HPSE2: variants seen among roughly 807,000 people sequenced by gnomAD.
The protein encoded by HPSE2 is heparanase 2 (inactive).
A neutral mutation model predicts 60.5 loss-of-function variants in HPSE2; 38 were observed. The ratio of observed to expected loss-of-function variants is 0.63; its 90% CI spans 0.48 to 0.82. The LOEUF (loss-of-function observed/expected upper bound fraction) is 0.82. Among genes scored for constraint, HPSE2 ranks in the 40% least tolerant of loss-of-function variants. The pLI, the probability that HPSE2 is intolerant of heterozygous loss-of-function variation, is 0.00. For synonymous variants in HPSE2, 295 were observed against 293.2 expected, an observed-to-expected ratio of 1.01 and a Z score of -0.06; for missense variants, 713 against 740.4, an observed-to-expected ratio of 0.96 and a Z score of 0.43.
intron 4 of HPSE2, among the ~76,000 whole-genome samples, chr10:98,726,769 G>A (rs1949094671): frequency 6.6e-6 from 1 of 151,902 alleles, no homozygotes; most frequent in South Asian, 2.1e-4. Flanking sequence ...ATGCTTAGGA[G>A]GGACTACAGG....
intron 7 of HPSE2, among the ~76,000 whole-genome samples, chr10:98,627,984 CAG>C (rs1395153922): frequency 2.6e-5 from 4 of 152,204 alleles, no homozygotes; most frequent in African/African-American, 9.6e-5. Context: ...ATTCTCAGCA[CAG>C]GGGTAATTCC....
chr10:98,850,029 G>A (rs1952131418), intron 3 of HPSE2, among the ~76,000 whole-genome samples: 1 of 152,046 alleles, frequency 6.6e-6, no homozygotes, highest in African/African-American at 2.4e-5. Context: ...CAGCTGTGAG[G>A]CACCACGCCC....
At chr10:98,865,341 T>C (rs140540530) in intron 3 of HPSE2, among the ~76,000 whole-genome samples, 5 of 152,082 alleles carry the variant, frequency 3.3e-5, no homozygotes, top group African/African-American at 7.2e-5. Context: ...CTGGCCAAGA[T>C]AAAGTAACAA....
the HPSE2 span, among the ~76,000 whole-genome samples, chr10:99,288,593 G>C: frequency 6.6e-6 from 1 of 151,794 alleles, no homozygotes; most frequent in Non-Finnish European, 1.5e-5. Flanking sequence ...ATGGGATCCA[G>C]GAACCAGGGA....
chr10:98,522,136 T>TA (rs555728622), intron 9 of HPSE2, among the ~76,000 whole-genome samples: 22,360 of 142,786 alleles, frequency 0.16, 1,934 homozygotes, highest in Non-Finnish European at 0.21. Flanking sequence ...AGGATAATTA[T>TA]AAAAAAAAAA....
intron 6 of HPSE2, among the ~76,000 whole-genome samples, chr10:98,687,888 A>T (rs1289727686): frequency 6.6e-6 from 1 of 152,190 alleles, no homozygotes; most frequent in Admixed American, 6.5e-5. Flanking sequence ...CTTCTATAGC[A>T]TCCAGTCTGA....
chr10:99,235,359 A>G (rs1343612930), intron 1 of HPSE2, among the ~76,000 whole-genome samples, 154 bp downstream of exon 1: 1 of 152,224 alleles, frequency 6.6e-6, no homozygotes, highest in Non-Finnish European at 1.5e-5. Context: ...ACAGCCTCAC[A>G]GCACACAATC....
chr10:98,712,061 G>A (rs559589962), intron 5 of HPSE2, among the ~76,000 whole-genome samples: 1 of 152,022 alleles, frequency 6.6e-6, no homozygotes, highest in Non-Finnish European at 1.5e-5. Context: ...GGTTGTGAGG[G>A]AAAGAAGAGG....
intron 3 of HPSE2, among the ~76,000 whole-genome samples, chr10:98,769,733 AT>A (rs1223233842): frequency 6.6e-6 from 1 of 152,200 alleles, no homozygotes; most frequent in African/African-American, 2.4e-5. Context: ...TTGGCACTGA[AT>A]TAGTCACTTG....
chr10:98,642,416 T>G (rs1946662405), intron 6 of HPSE2, among the ~76,000 whole-genome samples: 5 of 152,154 alleles, frequency 3.3e-5, no homozygotes, highest in Admixed American at 3.3e-4. Flanking sequence ...TCTGACTTAG[T>G]GTAGTGAGTG....
In HPSE2 at chr10:98,776,596, G is replaced by T. The variant is rs1349252827; in HGVS notation, c.611-32540C>A. ...TTAGGTGCATTTTATAAGAAAACTT[G>T]CTTGCACTCTTAAAAAAATGTCAAT... On this transcript the variant is annotated intron_variant, in intron 3 of 11. Coordinates refer to ENST00000370552, the MANE Select transcript of HPSE2 (RefSeq NM_021828.5). Among the ~76,000 whole-genome samples the T allele has an allele frequency of 2.0e-5, 3 of 152,218 alleles. No individual in the cohort carries two copies. In the East Asian group the frequency reaches 5.8e-4, roughly 29 times the overall value.
At chr10:99,285,979 T>C in the HPSE2 span, among the ~76,000 whole-genome samples, 1 of 152,056 alleles carries the variant, frequency 6.6e-6, no homozygotes, top group Non-Finnish European at 1.5e-5. Flanking sequence ...CGTATTCCAA[T>C]CATTAGTCAT....
chr10:98,472,002 T>C (rs1940799001), intron 11 of HPSE2, among the ~76,000 whole-genome samples: 1 of 152,148 alleles, frequency 6.6e-6, no homozygotes, highest in Non-Finnish European at 1.5e-5. Flanking sequence ...TACTTATTTA[T>C]GTAGCTAACA....
At chr10:98,503,250 A>AG (rs1179453839) in intron 9 of HPSE2, among the ~76,000 whole-genome samples, 2 of 151,974 alleles carry the variant, frequency 1.3e-5, no homozygotes, top group Admixed American at 1.3e-4. Context: ...AAGAAAAAAA[A>AG]GAGTAAAAGA....
chr10:99,244,382 TTTATTATTATTATTATTA>T, the HPSE2 span, among the ~76,000 whole-genome samples: 8 of 134,182 alleles, frequency 6.0e-5, no homozygotes, highest in African/African-American at 5.4e-5. Flanking sequence ...TTTTATTTCT[TTTATTATTATTATTATTA>T]TTATTATTAT....
intron 2 of HPSE2, among the ~76,000 whole-genome samples, chr10:99,201,558 C>T (rs369882154): frequency 7.9e-5 from 12 of 152,194 alleles, no homozygotes; most frequent in African/African-American, 2.9e-4. Context: ...TCAACCCCTA[C>T]AACTTCATTT....
intron 3 of HPSE2, among the ~76,000 whole-genome samples, chr10:98,938,583 T>C (rs1038929807): frequency 6.9e-6 from 1 of 143,900 alleles, no homozygotes; most frequent in Non-Finnish European, 1.5e-5. Flanking sequence ...TATGGGACTA[T>C]GTGAAAAGAC....
chr10:99,272,754 A>T, the HPSE2 span, among the ~76,000 whole-genome samples: 2 of 151,120 alleles, frequency 1.3e-5, no homozygotes, highest in Non-Finnish European at 3.0e-5. Flanking sequence ...TGGGCATAAT[A>T]AAAAAAAATA....
intron 3 of HPSE2, among the ~76,000 whole-genome samples, chr10:99,031,018 A>T (rs1230463340): frequency 6.6e-6 from 1 of 152,176 alleles, no homozygotes; most frequent in Non-Finnish European, 1.5e-5. Context: ...AGGAAGAAGG[A>T]GGAAATGGTT....
Sources: allele counts gnomAD v4.1 joint callset (sites outside exome capture counted in the v4.1 genomes callset), GRCh38; gene constraint gnomAD v4.1.1; transcripts MANE v1.5; gene names NCBI Gene and HGNC (gene_info 2026-07-23, HGNC 2026-07-21).